Variants in ANO3 observed in about 807,000 individuals in gnomAD.
ANO3 encodes anoctamin-3.
In ANO3, 99 loss-of-function variants were observed where a neutral mutation model predicts 144.8. The observed-to-expected ratio is 0.68, with a 90% CI of 0.58 to 0.81. The LOEUF (loss-of-function observed/expected upper bound fraction) is 0.81. Among genes scored for constraint, ANO3 ranks in the 30% least tolerant of loss-of-function variants. The pLI is 0.00. For missense variants in ANO3, 905 were observed against 1,202.2 expected (o/e 0.75, Z 3.66); for synonymous variants, 414 against 392.6 (o/e 1.05, Z -0.64).
chr11:26,623,541 A>G (rs1852483411), intron 17 of ANO3, among the ~76,000 whole-genome samples: 1 of 152,162 alleles, frequency 6.6e-6, no homozygotes, highest in African/African-American at 2.4e-5. Flanking sequence ...AAAAGATGGC[A>G]GAAGAGGAAA....
rs576982285 is a variant in ANO3, at chr11:26,263,438, G to A, written c.155-46207G>A. 2.0e-3 allele frequency among the ~76,000 whole-genome samples: 312 copies of A among 152,288 alleles called. 1 individual carries two copies. Among genetic ancestry groups the A allele is most frequent in the Non-Finnish European group, 2.2e-3 (150 of 68,028 alleles). ...GTTCTACCAGGTTATCCCATACCCT[G>A]ATTTTCAGTGACACTGACTCTTCCT... On this transcript the variant is annotated intron_variant, in intron 1 of 27. Transcript: ENST00000672621.
chr11:26,460,029 T>G (rs1198456875), intron 3 of ANO3: 1 of 443,416 alleles, frequency 2.3e-6, no homozygotes, highest in East Asian at 7.1e-5. Flanking sequence ...ATCCAAACAC[T>G]TCCCACCAGT....
chr11:26,376,964 G>T (rs941507152), intron 1 of ANO3, among the ~76,000 whole-genome samples: 1 of 152,124 alleles, frequency 6.6e-6, no homozygotes, highest in Non-Finnish European at 1.5e-5. Context: ...GAAGGCAAGA[G>T]AATTTGTTTG....
intron 17 of ANO3, among the ~76,000 whole-genome samples, chr11:26,618,078 ACTGCAGGATCC>A (rs1178226117): frequency 1.3e-5 from 2 of 152,194 alleles, no homozygotes; most frequent in African/African-American, 4.8e-5. Flanking sequence ...TAATAGATTG[ACTGCAGGATCC>A]CTGTACCATC....
intron 17 of ANO3, among the ~76,000 whole-genome samples, chr11:26,604,950 A>C (rs1450068081): frequency 6.6e-6 from 1 of 152,168 alleles, no homozygotes; most frequent in Non-Finnish European, 1.5e-5. Flanking sequence ...TTGCAATACT[A>C]TGTTGAATAG....
At chr11:26,522,394 C>G (rs185250087) in intron 6 of ANO3, among the ~76,000 whole-genome samples, 16 of 152,230 alleles carry the variant, frequency 1.1e-4, no homozygotes, top group Admixed American at 8.5e-4. Context: ...ACAGGCATCT[C>G]CACATGTAGC....
At chr11:26,340,380 A>G (rs1239691642) in intron 1 of ANO3, among the ~76,000 whole-genome samples, 1 of 152,166 alleles carries the variant, frequency 6.6e-6, no homozygotes, top group Non-Finnish European at 1.5e-5. Context: ...TCACTACCTG[A>G]TATCTGGAGC....
intron 23 of ANO3, among the ~76,000 whole-genome samples, chr11:26,644,590 A>G (rs1475954331): frequency 6.6e-6 from 1 of 152,142 alleles, no homozygotes; most frequent in African/African-American, 2.4e-5. Flanking sequence ...ACATTTCTCT[A>G]TTTCTGCAAC....
chr11:26,459,640 A>G (rs772290461), intron 3 of ANO3, among the ~76,000 whole-genome samples: 1 of 152,040 alleles, frequency 6.6e-6, no homozygotes, highest in Non-Finnish European at 1.5e-5. Context: ...GGCCAGGCTC[A>G]CAAAAAATAC....
chr11:26,507,242 C>T (rs294028), intron 4 of ANO3, among the ~76,000 whole-genome samples: 96,645 of 151,976 alleles, frequency 0.64, 30,992 homozygotes, highest in East Asian at 0.79. Flanking sequence ...GAATACCACA[C>T]GGATAGTCTA....
At chr11:26,309,715 T>G (rs1482787408) in exon 1 of ANO3, 3 of 985,150 alleles carry the variant, frequency 3.0e-6, no homozygotes, top group East Asian at 1.1e-4. Flanking sequence ...GCAAATATAA[T>G]GAAGGTGAGT....
At chr11:26,495,735 C>T (rs899117261) in intron 4 of ANO3, among the ~76,000 whole-genome samples, 1 of 152,118 alleles carries the variant, frequency 6.6e-6, no homozygotes, top group African/African-American at 2.4e-5. Flanking sequence ...TTCCTGCAAA[C>T]GTAAGGAACA....
At chr11:26,561,454 C>G (rs576077551) in intron 14 of ANO3, among the ~76,000 whole-genome samples, 73 of 151,842 alleles carry the variant, frequency 4.8e-4, no homozygotes, top group African/African-American at 1.6e-3. Context: ...TTGATGGACT[C>G]AAAGTAAAGG....
At chr11:26,427,575 G>A (rs1181967817) in intron 1 of ANO3, among the ~76,000 whole-genome samples, 1 of 152,066 alleles carries the variant, frequency 6.6e-6, no homozygotes, top group Non-Finnish European at 1.5e-5. Flanking sequence ...AAAAACAGAT[G>A]AGCATAAAAC....
At chr11:26,485,292 T>C (rs1171157116) in intron 4 of ANO3, among the ~76,000 whole-genome samples, 1 of 152,010 alleles carries the variant, frequency 6.6e-6, no homozygotes, top group Admixed American at 6.6e-5. Flanking sequence ...CCTGGTGGAA[T>C]GGGAATGGAT....
chr11:26,590,167 T>C (rs1851403174), intron 14 of ANO3, among the ~76,000 whole-genome samples: 1 of 152,154 alleles, frequency 6.6e-6, no homozygotes, highest in Non-Finnish European at 1.5e-5. Context: ...AGATGTCTGC[T>C]TAGTAGCAAA....
rs559568700 is a variant in ANO3 at position 26,220,923 on chromosome 11, A to G, written c.154+31593A>G. Among the ~76,000 whole-genome samples the G allele has an allele frequency of 6.6e-5, 10 of 152,268 alleles. No homozygotes were observed. In the East Asian group the frequency reaches 1.7e-3, roughly 26 times the overall value. ...ATATTTAGGTCACCCCTGACTGCCT[A>G]CAGATAAAGATGTGGCTCTTGGGTG... On this transcript the variant is annotated intron_variant, in intron 1 of 27. Coordinates refer to the ANO3 transcript ENST00000672621.
intron 17 of ANO3, among the ~76,000 whole-genome samples, chr11:26,601,655 C>A (rs1175306873): frequency 6.6e-6 from 1 of 152,194 alleles, no homozygotes; most frequent in Non-Finnish European, 1.5e-5. Context: ...AGCACAGACA[C>A]TGTAGATTTT....
At chr11:26,560,406 G>A (rs1165541932) in intron 14 of ANO3, 2 of 152,122 alleles carry the variant, frequency 1.3e-5, no homozygotes, top group Admixed American at 1.3e-4. Context: ...TTTTAAAGAA[G>A]CTATTACTTT....
Sources: allele counts gnomAD v4.1 joint callset (sites outside exome capture counted in the v4.1 genomes callset), GRCh38; gene constraint gnomAD v4.1.1; transcripts MANE v1.5; gene names NCBI Gene and HGNC (gene_info 2026-07-23, HGNC 2026-07-21).